The following RUVBL1 variants were observed in gnomAD, a reference collection of about 807,000 sequenced individuals.
RUVBL1 encodes the protein ruvB-like 1.
Under a neutral mutation model 52.4 loss-of-function variants are expected in RUVBL1, and 4 were observed. That is an observed-to-expected ratio of 0.08 (90% confidence interval 0.04 to 0.17). The LOEUF (loss-of-function observed/expected upper bound fraction) is 0.17. RUVBL1 is among the 10% of genes least tolerant of loss of function. RUVBL1 has a pLI of 1.00. For missense variants in RUVBL1, 298 were observed against 572.8 expected (o/e 0.52, Z 4.90); for synonymous variants, 217 against 214.4 (o/e 1.01, Z -0.10).
intron 9 of RUVBL1, chr3:128,071,648 A>T (rs941022187): frequency 6.5e-6 from 1 of 152,720 alleles, no homozygotes; most frequent in Non-Finnish European, 1.5e-5. Flanking sequence ...AGATAAGGTG[A>T]ATAAGTGACA....
At chr3:128,100,824 A>C in intron 5 of RUVBL1, 80 bp from the exon 6 acceptor site, 1 of 1,527,718 alleles carries the variant, frequency 6.5e-7, no homozygotes, top group Non-Finnish European at 9.0e-7. Context: ...AGTGAGATAA[A>C]GGTCTCAGTT....
Position 128,069,624 on chromosome 3 carries a change from C to G in RUVBL1, c.940-4404G>C, listed in dbSNP as rs925021505. 1.2e-6 allele frequency: 2 copies of G among 1,614,040 alleles called. No individual in the cohort carries two copies. Among genetic ancestry groups the G allele is most frequent in the Non-Finnish European group, 1.7e-6 (2 of 1,180,032 alleles). Reference sequence around the variant, plus strand: ...GTACTTTGAGATCTTCGTTAAGGAGCAAAGCGAGGTTGGCAGCATGGGGGC... The same window carrying G: ...GTACTTTGAGATCTTCGTTAAGGAGGAAAGCGAGGTTGGCAGCATGGGGGC... On this transcript the variant is annotated intron_variant, in intron 9 of 9. Transcript: ENST00000464873.
chr3:128,096,909 T>G (rs1368316333), intron 8 of RUVBL1, among the ~76,000 whole-genome samples: 1 of 152,128 alleles, frequency 6.6e-6, no homozygotes, highest in African/African-American at 2.4e-5. Flanking sequence ...AGGGACAAGT[T>G]ATGATTCCAG....
At chr3:128,142,726 G>T (rs1037367762) in intron 1 of RUVBL1, among the ~76,000 whole-genome samples, 2 of 152,092 alleles carry the variant, frequency 1.3e-5, no homozygotes, top group African/African-American at 2.4e-5. Context: ...AGCCAAAAAT[G>T]GCCAGTTGAG....
At chr3:128,098,748 C>A (rs566831185) in intron 7 of RUVBL1, 134 bp downstream of exon 7, 9 of 756,190 alleles carry the variant, frequency 1.2e-5, no homozygotes, top group Non-Finnish European at 2.0e-5. Flanking sequence ...GAGTCAAGCT[C>A]TAAGCTATGA....
rs564249659 is a variant in RUVBL1, at chr3:128,137,727, G to C, written c.-40+15476C>G. Among the ~76,000 whole-genome samples the C allele has an allele frequency of 2.0e-3, 305 of 152,134 alleles. 2 individuals carry two copies. The highest frequency in any genetic ancestry group is 3.4e-3 in the Middle Eastern group (1 of 294). On this transcript the variant is annotated intron_variant, in intron 1 of 9. Coordinates refer to the RUVBL1 transcript ENST00000464873. ...CCTGATACCCAAATCAGGCAAAGAC[G>C]TATCAAAAGAAGAAAAGACAACTAC...
intron 1 of RUVBL1, among the ~76,000 whole-genome samples, chr3:128,141,526 C>T (rs1022155406): frequency 7.9e-5 from 12 of 152,238 alleles, no homozygotes; most frequent in East Asian, 1.9e-4. Flanking sequence ...GACAGAGTCT[C>T]GCTCTGTCAC....
Position 128,081,354 on chromosome 3 carries a change from C to T in RUVBL1, c.1267G>A (p.Asp423Asn). 1 of 1,614,202 alleles carries T rather than the reference C, an allele frequency of 6.2e-7. No individual in the cohort carries two copies. The highest frequency in any genetic ancestry group is 8.5e-7 in the Non-Finnish European group (1 of 1,180,012). The change falls in exon 11 of 11, where the codon GAC becomes AAC. Residue 423 changes from aspartate (D) to asparagine (N), a missense_variant. Physicochemically the swap from Asp to Asn is conservative, Grantham distance 23. Coordinates refer to ENST00000322623, the MANE Select transcript of RUVBL1 (RefSeq NM_003707.3). The surrounding 1 kb of genome is among the most constrained non-coding windows in gnomAD (Gnocchi z 4.8). ...ANLLAKINGK[D>N]SIEKEHVEEI... ...TCGACATGCTCTTTCTCAATGCTGTCCTTCCCGTTGATTTTAGCAAGCAAG... is the reference window on the plus strand; with the variant it reads ...TCGACATGCTCTTTCTCAATGCTGTTCTTCCCGTTGATTTTAGCAAGCAAG...
At chr3:128,102,214 T>A (rs1943123296) in intron 4 of RUVBL1, among the ~76,000 whole-genome samples, 1 of 152,268 alleles carries the variant, frequency 6.6e-6, no homozygotes, top group Admixed American at 6.5e-5. Flanking sequence ...CTAAGTTTCC[T>A]CATCTATACA....
chr3:128,116,491 T>C (rs1943525114), intron 2 of RUVBL1, among the ~76,000 whole-genome samples: 1 of 149,872 alleles, frequency 6.7e-6, no homozygotes, highest in Admixed American at 6.7e-5. Context: ...ATCACGCCAC[T>C]GTACTCCACC....
At chr3:128,111,132 C>T (rs1050589231) in intron 3 of RUVBL1, among the ~76,000 whole-genome samples, 3 of 149,812 alleles carry the variant, frequency 2.0e-5, no homozygotes, top group South Asian at 2.1e-4. Flanking sequence ...GGCTGAGGCA[C>T]GAGAATCGCT....
chr3:128,147,633 C>T (rs772880744), intron 1 of RUVBL1, among the ~76,000 whole-genome samples: 5 of 152,066 alleles, frequency 3.3e-5, no homozygotes, highest in Admixed American at 1.3e-4. Flanking sequence ...GCTGAGCAAG[C>T]GAAACTCTTA....
At chr3:128,117,964 T>C (rs1943564576) in intron 2 of RUVBL1, among the ~76,000 whole-genome samples, 1 of 152,142 alleles carries the variant, frequency 6.6e-6, no homozygotes, top group Admixed American at 6.5e-5. Context: ...TGTGAAACAG[T>C]ACTGAAGAAA....
intron 1 of RUVBL1, among the ~76,000 whole-genome samples, chr3:128,121,906 G>A (rs185118931): frequency 7.9e-5 from 12 of 152,234 alleles, no homozygotes; most frequent in African/African-American, 2.6e-4. Context: ...ACTCTCAGGT[G>A]AGATAAGCTT....
exon 1 of RUVBL1, chr3:128,153,886 T>C (rs1318924632): frequency 2.1e-6 from 3 of 1,438,170 alleles, no homozygotes; most frequent in South Asian, 1.5e-5. Flanking sequence ...GGGCCCCGTG[T>C]CCGAATTCGC....
At chr3:128,116,051 C>T (rs1426981727) in intron 2 of RUVBL1, among the ~76,000 whole-genome samples, 3 of 151,590 alleles carry the variant, frequency 2.0e-5, no homozygotes, top group Non-Finnish European at 4.4e-5. Context: ...CACCTGAACC[C>T]AAGAGGTAGA....
downstream of RUVBL1, among the ~76,000 whole-genome samples, chr3:128,077,918 G>A (rs1475428520): frequency 1.3e-5 from 2 of 152,186 alleles, no homozygotes; most frequent in Non-Finnish European, 2.9e-5. Flanking sequence ...CTACATGTGG[G>A]TCACTTCACC....
chr3:128,102,972 C>A (rs1480503134), intron 4 of RUVBL1, among the ~76,000 whole-genome samples: 2 of 152,152 alleles, frequency 1.3e-5, no homozygotes, highest in African/African-American at 4.8e-5. Context: ...GGTGAGGCCC[C>A]CAGGTAAGGC....
At chr3:128,066,845 A>G (rs1941996879) in intron 9 of RUVBL1, 3 of 1,025,990 alleles carry the variant, frequency 2.9e-6, no homozygotes, top group Admixed American at 2.1e-5. Context: ...ACCAGCACAC[A>G]GGATTTCCTC....
Sources: allele counts gnomAD v4.1 joint callset (sites outside exome capture counted in the v4.1 genomes callset), GRCh38; gene constraint gnomAD v4.1.1; non-coding constraint Gnocchi (gnomAD v3.1); transcripts MANE v1.5; gene names NCBI Gene and HGNC (gene_info 2026-07-23, HGNC 2026-07-21).